Variants in DNAJC1 observed in about 807,000 individuals in gnomAD.
The protein encoded by DNAJC1 is dnaJ homolog subfamily C member 1.
In DNAJC1, 58 loss-of-function variants were observed where a neutral mutation model predicts 76.6. The observed-to-expected ratio is 0.76, with a 90% CI of 0.61 to 0.94. The LOEUF is 0.94. Ranked by LOEUF, DNAJC1 falls within the 40% of genes least tolerant of loss-of-function variation. The probability of loss-of-function intolerance (pLI) is 0.00; values close to 1 mark genes in which losing one functional copy is unlikely to be tolerated. For synonymous variants in DNAJC1, 258 were observed against 267.9 expected (o/e 0.96, Z 0.36); for missense variants, 689 against 677.3 (o/e 1.02, Z -0.19).
rs1171621342 is a variant in DNAJC1, at chr10:21,956,533, AC to A, written c.223-27393del. ...TATATATACACATATAAATTTATGTACATACACATAAATACACATACATATA... is the reference window on the plus strand; with the variant it reads ...TATATATACACATATAAATTTATGTAATACACATAAATACACATACATATA... On this transcript the variant is annotated intron_variant, in intron 1 of 11. Transcript: ENST00000376980. 2.0e-5 allele frequency among the ~76,000 whole-genome samples: 3 copies of A among 151,506 alleles called. No individual in the cohort carries two copies. In the East Asian group the frequency reaches 5.8e-4, roughly 29 times the overall value.
At chr10:21,936,643 A>T (rs1363773622) in intron 1 of DNAJC1, among the ~76,000 whole-genome samples, 2 of 152,140 alleles carry the variant, frequency 1.3e-5, no homozygotes, top group African/African-American at 4.8e-5. Context: ...TTAATTTAAA[A>T]TTTTTCCTTT....
chr10:21,853,128 CT>C (rs1564808418), intron 8 of DNAJC1, among the ~76,000 whole-genome samples: 3 of 152,176 alleles, frequency 2.0e-5, no homozygotes, highest in Non-Finnish European at 4.4e-5. Context: ...AACTTCTTAT[CT>C]TGGCATTCAA....
At chr10:21,946,300 A>G (rs1837504575) in intron 1 of DNAJC1, among the ~76,000 whole-genome samples, 1 of 151,868 alleles carries the variant, frequency 6.6e-6, no homozygotes, top group Non-Finnish European at 1.5e-5. Flanking sequence ...TCAGCCTCCC[A>G]AAGTGCTGAT....
intron 8 of DNAJC1, among the ~76,000 whole-genome samples, chr10:21,851,005 T>G (rs891723812): frequency 2.0e-5 from 3 of 151,938 alleles, no homozygotes; most frequent in African/African-American, 7.3e-5. Flanking sequence ...CAAATAAAAA[T>G]TAATGCAAAA....
At chr10:21,765,662 T>C (rs1337076622) in intron 10 of DNAJC1, among the ~76,000 whole-genome samples, 4 of 152,146 alleles carry the variant, frequency 2.6e-5, no homozygotes, top group Non-Finnish European at 5.9e-5. Flanking sequence ...CTAGCCAAGA[T>C]GGTGAAACCA....
At chr10:21,948,758 G>A (rs1001207176) in intron 1 of DNAJC1, among the ~76,000 whole-genome samples, 3 of 152,082 alleles carry the variant, frequency 2.0e-5, no homozygotes, top group Admixed American at 6.6e-5. Context: ...ATTTTAGAAC[G>A]TATCCCCTAC....
At chr10:21,950,816 G>C (rs1837582103) in intron 1 of DNAJC1, among the ~76,000 whole-genome samples, 1 of 152,286 alleles carries the variant, frequency 6.6e-6, no homozygotes, top group South Asian at 2.1e-4. Context: ...CCTTGAGCCA[G>C]AGCCTAATCC....
intron 7 of DNAJC1, among the ~76,000 whole-genome samples, chr10:21,899,780 G>C (rs1836616527): frequency 6.6e-6 from 1 of 152,142 alleles, no homozygotes; most frequent in South Asian, 2.1e-4. Context: ...CATTGCGGGG[G>C]GACCCTTCCT....
chr10:21,813,629 C>A (rs1196618940), intron 8 of DNAJC1, among the ~76,000 whole-genome samples: 3 of 152,148 alleles, frequency 2.0e-5, no homozygotes, highest in Non-Finnish European at 2.9e-5. Flanking sequence ...GATCTCCTGA[C>A]CACCTGCCTT....
chr10:21,993,256 C>T (rs1291141578), intron 1 of DNAJC1, among the ~76,000 whole-genome samples: 2 of 152,178 alleles, frequency 1.3e-5, no homozygotes, highest in African/African-American at 4.8e-5. Context: ...CACCCTCTCG[C>T]TCATAAATTT....
chr10:21,869,531 G>C (rs1836067320), intron 8 of DNAJC1, among the ~76,000 whole-genome samples: 1 of 152,074 alleles, frequency 6.6e-6, no homozygotes, highest in African/African-American at 2.4e-5. Context: ...ATAAAACCAA[G>C]TTGTAACTCA....
intron 6 of DNAJC1, among the ~76,000 whole-genome samples, chr10:21,905,342 T>A (rs941554434): frequency 2.7e-5 from 4 of 150,616 alleles, no homozygotes; most frequent in Non-Finnish European, 5.9e-5. Context: ...ATCCCGACAA[T>A]GAAAATAAGC....
At chr10:21,839,304 A>T (rs565651751) in intron 8 of DNAJC1, among the ~76,000 whole-genome samples, 13 of 152,322 alleles carry the variant, frequency 8.5e-5, no homozygotes, top group African/African-American at 3.1e-4. Context: ...AAATTAATGA[A>T]TCCAGGAGCT....
intron 1 of DNAJC1, among the ~76,000 whole-genome samples, chr10:21,969,242 A>G (rs1160692324): frequency 2.0e-5 from 3 of 150,678 alleles, no homozygotes; most frequent in Admixed American, 6.6e-5. Context: ...AAAAAAAAAA[A>G]AGGAGGAAAA....
intron 8 of DNAJC1, among the ~76,000 whole-genome samples, chr10:21,810,962 G>C (rs917069331): frequency 6.6e-6 from 1 of 152,186 alleles, no homozygotes; most frequent in African/African-American, 2.4e-5. Context: ...TGCCTCCAAA[G>C]GGACCCAATA....
At chr10:21,805,264 AT>A (rs944464860) in intron 9 of DNAJC1, among the ~76,000 whole-genome samples, 7 of 152,020 alleles carry the variant, frequency 4.6e-5, no homozygotes, top group African/African-American at 1.7e-4. Flanking sequence ...TAAAAATAAT[AT>A]TTTTTCTCAA....
Position 21,997,491 on chromosome 10 carries a change from T to C in DNAJC1, c.222+5722A>G, listed in dbSNP as rs962231426. ...CAAAGAGACTGATTCCCACTACTCA[T>C]AGCTTTCTGACTGATCAGCTCTTCC... On this transcript the variant is annotated intron_variant, in intron 1 of 11. Transcript: ENST00000376980. 2.0e-5 allele frequency among the ~76,000 whole-genome samples: 3 copies of C among 152,290 alleles called. No homozygotes were observed. In the South Asian group the frequency reaches 6.2e-4, roughly 32 times the overall value.
In DNAJC1 at chr10:21,786,412, T is replaced by C. The variant is rs542197496; in HGVS notation, c.1098+19568A>G. 2.2e-3 allele frequency among the ~76,000 whole-genome samples: 324 copies of C among 144,872 alleles called. 1 individual carries two copies. Among genetic ancestry groups the C allele is most frequent in the Non-Finnish European group, 3.4e-3 (230 of 66,780 alleles). On this transcript the variant is annotated intron_variant, in intron 9 of 11. Transcript: ENST00000376980. ...CATTTCAGATCTAATGTTGAGGTTT[T>C]GATTTTAAAATGGGAATATATATAT...
intron 8 of DNAJC1, among the ~76,000 whole-genome samples, chr10:21,823,920 G>A (rs1835200107): frequency 6.6e-6 from 1 of 152,022 alleles, no homozygotes; most frequent in Non-Finnish European, 1.5e-5. Flanking sequence ...AAAAAATAAA[G>A]TGCACTGTTA....
Sources: gnomAD v4.1 joint callset for allele counts (sites outside exome capture counted in the v4.1 genomes callset) on GRCh38, gnomAD v4.1.1 for gene constraint, MANE v1.5 for transcripts, NCBI Gene and HGNC (gene_info 2026-07-23, HGNC 2026-07-21) for gene names.